The following SLC35B4 variants were observed in gnomAD, a reference collection of about 807,000 sequenced individuals.
SLC35B4 encodes nucleotide sugar transporter SLC35B4.
A neutral mutation model predicts 39.5 loss-of-function variants in SLC35B4; 28 were observed. That is an observed-to-expected ratio of 0.71 (90% confidence interval 0.53 to 0.97). The LOEUF (loss-of-function observed/expected upper bound fraction) is 0.97, where lower values mean the gene tolerates loss of function less well. SLC35B4 is among the 50% of genes least tolerant of loss of function. SLC35B4 has a pLI of 0.00. For missense variants in SLC35B4, 334 were observed against 414.3 expected, an observed-to-expected ratio of 0.81 and a Z score of 1.68; for synonymous variants, 145 against 150.4, an observed-to-expected ratio of 0.96 and a Z score of 0.26.
chr7:134,313,775 T>A (rs559037302), intron 1 of SLC35B4, among the ~76,000 whole-genome samples: 16 of 152,344 alleles, frequency 1.1e-4, no homozygotes, highest in African/African-American at 3.6e-4. Flanking sequence ...AAAGCACAGT[T>A]CCTAGGCTAT....
At chr7:134,295,539 A>C (rs575088167) in intron 9 of SLC35B4, among the ~76,000 whole-genome samples, 22 of 152,312 alleles carry the variant, frequency 1.4e-4, no homozygotes, top group African/African-American at 5.1e-4. Flanking sequence ...AATGAAAGTA[A>C]GGTCATTCGA....
chr7:134,303,887 G>GT (rs1359851807), intron 4 of SLC35B4, among the ~76,000 whole-genome samples: 1 of 152,148 alleles, frequency 6.6e-6, no homozygotes, highest in Non-Finnish European at 1.5e-5. Context: ...GGTACTTCTG[G>GT]TATTTCCTGC....
At chr7:134,307,905 C>T (rs1460751307) in intron 2 of SLC35B4, among the ~76,000 whole-genome samples, 3 of 152,196 alleles carry the variant, frequency 2.0e-5, no homozygotes, top group Admixed American at 1.3e-4. Context: ...AAATAATATA[C>T]TATCAGCGAC....
intron 1 of SLC35B4, among the ~76,000 whole-genome samples, chr7:134,313,622 A>T (rs1468768070): frequency 6.6e-6 from 1 of 152,220 alleles, no homozygotes; most frequent in African/African-American, 2.4e-5. Context: ...TAAAAATCAG[A>T]AAGAAAAGCC....
At chr7:134,301,644 C>A in intron 6 of SLC35B4, 117 bp downstream of exon 6, 1 of 950,848 alleles carries the variant, frequency 1.1e-6, no homozygotes. Context: ...AGGTGCCTCT[C>A]TTCCATGGCA....
At chr7:134,312,076 C>A (rs1037711389) in intron 1 of SLC35B4, among the ~76,000 whole-genome samples, 18 of 152,082 alleles carry the variant, frequency 1.2e-4, no homozygotes, top group African/African-American at 3.9e-4. Context: ...AATGAGCCAT[C>A]CCTGAAAAGC....
In SLC35B4 at chr7:134,300,279, G is replaced by T; in HGVS notation, c.488-18C>A. The T allele has an allele frequency of 1.3e-6, 2 of 1,537,498 alleles. No individual in the cohort carries two copies. The highest frequency in any genetic ancestry group is 1.8e-6 in the Non-Finnish European group (2 of 1,123,738). ...CCCAATACCTAAAAAACAAACATCA[G>T]GTGACAAGATGTCTGCATTTGTTCA... On this transcript the variant is annotated intron_variant, in intron 6 of 9. Coordinates refer to ENST00000378509, the MANE Select transcript of SLC35B4 (RefSeq NM_032826.5).
chr7:134,299,410 G>T, intron 8 of SLC35B4, 113 bp downstream of exon 8: 1 of 713,512 alleles, frequency 1.4e-6, no homozygotes, highest in Non-Finnish European at 2.2e-6. Flanking sequence ...ATTTTCGAAA[G>T]GAACACATGA....
At chr7:134,296,674 A>G (rs183870994) in intron 8 of SLC35B4, among the ~76,000 whole-genome samples, 1 of 152,358 alleles carries the variant, frequency 6.6e-6, no homozygotes, top group Admixed American at 6.5e-5. Context: ...AAAACAAATA[A>G]TAGTTTTAAT....
rs969607960 is a variant in SLC35B4, at chr7:134,316,744, G to A, written c.8C>T (p.Pro3Leu). The A allele has an allele frequency of 9.7e-6, 15 of 1,549,262 alleles. No individual in the cohort carries two copies. Among genetic ancestry groups the A allele is most frequent in the Non-Finnish European group, 1.2e-5 (14 of 1,146,766 alleles). The change falls in exon 1 of 10, where the codon CCG becomes CTG. Residue 3 changes from proline to leucine, a missense_variant. Transcript: ENST00000378509. Reference protein sequence around the residue: MRPALAVGLVFAG... With the variant: MRLALAVGLVFAG... The stretch of plus-strand genomic sequence containing the variant: ...GAACACCAGGCCCACCGCCAAGGCC[G>A]GGCGCATGGCCGGTGCAGGGTTGGG...
At chr7:134,309,000 C>T (rs1436076333) in intron 2 of SLC35B4, among the ~76,000 whole-genome samples, 1 of 152,096 alleles carries the variant, frequency 6.6e-6, no homozygotes, top group African/African-American at 2.4e-5. Context: ...AAAAGCCATT[C>T]GTTTTTAAAA....
At chr7:134,310,811 T>G (rs908921897) in intron 1 of SLC35B4, among the ~76,000 whole-genome samples, 10 of 152,128 alleles carry the variant, frequency 6.6e-5, no homozygotes, top group Non-Finnish European at 1.2e-4. Context: ...CCTCCCAAAG[T>G]GCTGGGATTA....
In SLC35B4 at chr7:134,296,480, A is replaced by C; in HGVS notation, c.674-14T>G. ...TTTCATATAACTCTGTAGAGGTTAC[A>C]AGAGGATATAGCCATATTGCTTTTT... On this transcript the variant is annotated splice_polypyrimidine_tract_variant and intron_variant, in intron 8 of 9. Transcript: ENST00000378509. 1 of 1,600,536 alleles carries C rather than the reference A, an allele frequency of 6.2e-7. No homozygotes were observed. The highest frequency in any genetic ancestry group is 8.6e-7 in the Non-Finnish European group (1 of 1,168,222).
chr7:134,301,703 A>G (rs1211001072), intron 6 of SLC35B4, 58 bp downstream of exon 6: 4 of 1,498,800 alleles, frequency 2.7e-6, no homozygotes, highest in Non-Finnish European at 3.7e-6. Context: ...CTCTTAGGAG[A>G]AAACTCAGCA....
At position 134,309,489 on chromosome 7, in the gene SLC35B4, G is replaced by A. The variant is rs746122697; in HGVS notation, c.78-10C>T. On this transcript the variant is annotated splice_polypyrimidine_tract_variant and intron_variant, in intron 1 of 9. Transcript: ENST00000378509. Reference sequence around the variant, plus strand: ...ACATCCTGGATGCTTCCTGTATAGTGAATAATAAAAGAGGGGGTGAAGGCA... The same window carrying A: ...ACATCCTGGATGCTTCCTGTATAGTAAATAATAAAAGAGGGGGTGAAGGCA... 1.9e-6 allele frequency: 3 copies of A among 1,592,998 alleles called. No individual in the cohort carries two copies. The South Asian group carries it at 3.3e-5, about 18-fold the overall frequency.
At chr7:134,310,675 G>T (rs750617931) in intron 1 of SLC35B4, among the ~76,000 whole-genome samples, 46 of 151,950 alleles carry the variant, frequency 3.0e-4, no homozygotes, top group Non-Finnish European at 7.4e-5. Flanking sequence ...CTCCCGAGGA[G>T]CTGGGACTAC....
chr7:134,296,735 G>GA (rs1260926067), intron 8 of SLC35B4, among the ~76,000 whole-genome samples: 1 of 152,110 alleles, frequency 6.6e-6, no homozygotes, highest in South Asian at 2.1e-4. Context: ...ACTTTACAAA[G>GA]AAAGACTGTG....
intron 1 of SLC35B4, among the ~76,000 whole-genome samples, chr7:134,310,843 G>A (rs891623697): frequency 2.6e-5 from 4 of 151,996 alleles, no homozygotes; most frequent in African/African-American, 7.3e-5. Flanking sequence ...CACCACACCC[G>A]GCCTCTGTAT....
intron 3 of SLC35B4, among the ~76,000 whole-genome samples, chr7:134,306,204 G>A (rs1803705547): frequency 1.3e-5 from 2 of 149,758 alleles, no homozygotes; most frequent in African/African-American, 4.9e-5. Flanking sequence ...AGTGCTTTGG[G>A]AGAAACCCTA....
Sources: allele counts gnomAD v4.1 joint callset (sites outside exome capture counted in the v4.1 genomes callset), GRCh38; gene constraint gnomAD v4.1.1; transcripts MANE v1.5; gene names NCBI Gene and HGNC (gene_info 2026-07-23, HGNC 2026-07-21).